Variants in FAM227B observed in about 807,000 individuals in gnomAD.
The protein encoded by FAM227B is family with sequence similarity 227 member B.
Under a neutral mutation model 73.8 loss-of-function variants are expected in FAM227B, and 88 were observed. The observed-to-expected ratio is 1.19, with a 90% CI of 1.00 to 1.42. The LOEUF is 1.42. Among genes scored for constraint, FAM227B ranks in the 40% most tolerant of loss-of-function variants. The pLI is 0.00. For missense variants in FAM227B, 632 were observed against 590.9 expected, an observed-to-expected ratio of 1.07 and a Z score of -0.72; for synonymous variants, 210 against 190.5, an observed-to-expected ratio of 1.10 and a Z score of -0.84.
chr15:49,540,405 T>C (rs2070894705), intron 10 of FAM227B, among the ~76,000 whole-genome samples: 3 of 152,328 alleles, frequency 2.0e-5, no homozygotes, highest in South Asian at 4.1e-4. Flanking sequence ...TGTGCAATTA[T>C]TGGTTTTTGC....
intron 9 of FAM227B, among the ~76,000 whole-genome samples, chr15:49,562,811 A>C (rs1378994975): frequency 6.6e-6 from 1 of 152,152 alleles, no homozygotes; most frequent in Non-Finnish European, 1.5e-5. Context: ...CTTTATGATA[A>C]AAATCCTCAA....
At chr15:49,525,950 A>C (rs1208499325) in intron 10 of FAM227B, among the ~76,000 whole-genome samples, 1 of 151,850 alleles carries the variant, frequency 6.6e-6, no homozygotes, top group Admixed American at 6.6e-5. Context: ...CAATACAGTA[A>C]TAGTGGAGGA....
intron 9 of FAM227B, among the ~76,000 whole-genome samples, chr15:49,553,350 C>G (rs911402535): frequency 1.3e-5 from 2 of 152,222 alleles, no homozygotes; most frequent in African/African-American, 4.8e-5. Flanking sequence ...GTGGCTATCA[C>G]CATTATGACT....
intron 11 of FAM227B, among the ~76,000 whole-genome samples, chr15:49,503,855 G>A (rs1207217522): frequency 6.6e-6 from 1 of 152,162 alleles, no homozygotes; most frequent in East Asian, 1.9e-4. Flanking sequence ...AACCATTGTG[G>A]AAGTCAGTGT....
At chr15:49,333,211 C>T (rs1441985275) in intron 14 of FAM227B, among the ~76,000 whole-genome samples, 2 of 152,060 alleles carry the variant, frequency 1.3e-5, no homozygotes, top group Non-Finnish European at 2.9e-5. Context: ...GTGTACAGTT[C>T]AGTGGTTTTA....
rs879424294 is a variant in FAM227B at position 49,604,986 on chromosome 15, G to T, written c.105+6229C>A. Among the ~76,000 whole-genome samples, 27 of 152,072 alleles carry T rather than the reference G, an allele frequency of 1.8e-4. 1 individual carries two copies. Among genetic ancestry groups the T allele is most frequent in the Admixed American group, 1.8e-3 (27 of 15,280 alleles). On this transcript the variant is annotated intron_variant, in intron 3 of 15. Coordinates refer to ENST00000299338, the MANE Select transcript of FAM227B (RefSeq NM_152647.3). Reference sequence around the variant, plus strand: ...TTCTTTGTGTTCTCTTGTTTACTAAGCTTCTTGAAGATGATATTTTTAAGT... The same window carrying T: ...TTCTTTGTGTTCTCTTGTTTACTAATCTTCTTGAAGATGATATTTTTAAGT...
chr15:49,441,449 G>T (rs1257948367), intron 11 of FAM227B, among the ~76,000 whole-genome samples: 3 of 151,702 alleles, frequency 2.0e-5, no homozygotes, highest in African/African-American at 7.3e-5. Context: ...GACATTAAAT[G>T]CTAAATCATA....
At chr15:49,357,292 A>G (rs2043318389) in intron 13 of FAM227B, among the ~76,000 whole-genome samples, 2 of 151,012 alleles carry the variant, frequency 1.3e-5, no homozygotes, top group Admixed American at 6.6e-5. Context: ...TAGTGAATCC[A>G]GGAGCTGGTT....
chr15:49,396,699 G>A (rs1457823640), intron 11 of FAM227B, among the ~76,000 whole-genome samples: 4 of 150,680 alleles, frequency 2.7e-5, no homozygotes, highest in Admixed American at 1.3e-4. Context: ...CCTGACCCCC[G>A]AGCAGCCTAA....
chr15:49,579,699 A>T (rs1447753462), intron 5 of FAM227B, among the ~76,000 whole-genome samples: 1 of 152,200 alleles, frequency 6.6e-6, no homozygotes, highest in Non-Finnish European at 1.5e-5. Context: ...CCATATAGTT[A>T]TTTAGAATGA....
In FAM227B at chr15:49,418,026, GA is replaced by G. The variant is rs375266025; in HGVS notation, c.1013-46628del. Among the ~76,000 whole-genome samples, 356 of 151,872 alleles carry G rather than the reference GA, an allele frequency of 2.3e-3. 1 individual carries two copies. The highest frequency in any genetic ancestry group is 8.4e-3 in the African/African-American group (348 of 41,510). On this transcript the variant is annotated intron_variant, in intron 11 of 15. Coordinates refer to ENST00000299338, the MANE Select transcript of FAM227B (RefSeq NM_152647.3). ...GTGGGCAAAGGACATGAACAATTTTGAAAAGACATACATGTGTCTAAAAAAC... is the reference window on the plus strand; with the variant it reads ...GTGGGCAAAGGACATGAACAATTTTGAAAGACATACATGTGTCTAAAAAAC...
intron 9 of FAM227B, among the ~76,000 whole-genome samples, chr15:49,547,304 A>G (rs141364393): frequency 0.25 from 37,790 of 151,094 alleles, 5,667 homozygotes; most frequent in Non-Finnish European, 0.35. Flanking sequence ...AGGAACAACC[A>G]GTACCAGCCA....
intron 1 of FAM227B, among the ~76,000 whole-genome samples, chr15:49,619,767 C>G (rs1043348029): frequency 2.6e-5 from 4 of 152,160 alleles, no homozygotes; most frequent in African/African-American, 9.7e-5. Flanking sequence ...GTTGTGAATT[C>G]TTCTTGGCTT....
chr15:49,434,951 AT>A (rs1393854734), intron 11 of FAM227B, among the ~76,000 whole-genome samples: 2 of 151,498 alleles, frequency 1.3e-5, no homozygotes, highest in African/African-American at 4.8e-5. Flanking sequence ...GGAATAATAT[AT>A]TTTTTCTGAA....
chr15:49,494,999 G>A (rs1279101948), intron 11 of FAM227B, among the ~76,000 whole-genome samples: 1 of 152,126 alleles, frequency 6.6e-6, no homozygotes. Flanking sequence ...ATTGTTTTAT[G>A]CAAACTGATG....
At chr15:49,536,519 T>C (rs1008003196) in intron 10 of FAM227B, among the ~76,000 whole-genome samples, 2 of 151,910 alleles carry the variant, frequency 1.3e-5, no homozygotes, top group African/African-American at 4.8e-5. Context: ...ACACAATCTC[T>C]AACAAAATCT....
chr15:49,437,637 T>C (rs2051228258), intron 11 of FAM227B, among the ~76,000 whole-genome samples: 1 of 151,700 alleles, frequency 6.6e-6, no homozygotes, highest in South Asian at 2.1e-4. Context: ...GTCTTAAGAA[T>C]ATCTTAGAAG....
At position 49,498,949 on chromosome 15, in the gene FAM227B, G is replaced by A. The variant is rs1047845274; in HGVS notation, c.1012+9262C>T. On this transcript the variant is annotated intron_variant, in intron 11 of 15. Transcript: ENST00000299338. Reference sequence around the variant, plus strand: ...TGGGAGGCCGAGGCGGGCGGATCACGAGGTCAGGAGATCGAGACCATCCCG... The same window carrying A: ...TGGGAGGCCGAGGCGGGCGGATCACAAGGTCAGGAGATCGAGACCATCCCG... 3.6e-4 allele frequency among the ~76,000 whole-genome samples: 54 copies of A among 151,698 alleles called. 1 individual carries two copies. Among genetic ancestry groups the A allele is most frequent in the African/African-American group, 1.1e-3 (47 of 41,378 alleles).
chr15:49,564,677 T>C (rs1303270181), intron 9 of FAM227B, among the ~76,000 whole-genome samples: 1 of 152,192 alleles, frequency 6.6e-6, no homozygotes, highest in African/African-American at 2.4e-5. Flanking sequence ...AACAAAATCA[T>C]GTCCTTTGCA....
Sources: allele counts gnomAD v4.1 joint callset (sites outside exome capture counted in the v4.1 genomes callset), GRCh38; gene constraint gnomAD v4.1.1; transcripts MANE v1.5; gene names NCBI Gene and HGNC (gene_info 2026-07-23, HGNC 2026-07-21).